The following MAGI2 variants were observed in gnomAD, a reference collection of about 807,000 sequenced individuals.
The protein encoded by MAGI2 is membrane-associated guanylate kinase, WW and PDZ domain-containing protein 2.
A neutral mutation model predicts 133.3 loss-of-function variants in MAGI2; 35 were observed. The ratio of observed to expected loss-of-function variants is 0.26; its 90% CI spans 0.20 to 0.35. MAGI2 has a LOEUF of 0.35. Ranked by LOEUF, MAGI2 falls within the 10% of genes least tolerant of loss-of-function variation. MAGI2 has a pLI of 1.00. For missense variants in MAGI2, 1,636 were observed against 1,863.4 expected (o/e 0.88, Z 2.25); for synonymous variants, 729 against 710.6 (o/e 1.03, Z -0.41).
intron 2 of MAGI2, among the ~76,000 whole-genome samples, chr7:78,830,836 T>C (rs1364649313): frequency 2.6e-5 from 4 of 152,102 alleles, no homozygotes; most frequent in Non-Finnish European, 5.9e-5. Flanking sequence ...CTAGCTAGCC[T>C]TGGGCTATGG....
chr7:78,538,147 C>G (rs944916130), intron 3 of MAGI2, among the ~76,000 whole-genome samples: 2 of 152,120 alleles, frequency 1.3e-5, no homozygotes, highest in Non-Finnish European at 2.9e-5. Context: ...AAGTACATGG[C>G]TTTGTTTCTG....
intron 1 of MAGI2, among the ~76,000 whole-genome samples, chr7:79,336,126 A>G (rs1326490006): frequency 2.0e-5 from 3 of 152,150 alleles, no homozygotes; most frequent in Non-Finnish European, 4.4e-5. Context: ...ATAGCTAACA[A>G]CTATTGAGCA....
At chr7:78,936,460 G>A (rs1800526388) in intron 2 of MAGI2, among the ~76,000 whole-genome samples, 1 of 151,842 alleles carries the variant, frequency 6.6e-6, no homozygotes, top group South Asian at 2.1e-4. Context: ...TATATACGTT[G>A]TAAAATGAAA....
Position 78,125,457 on chromosome 7 carries a change from A to C in MAGI2, c.3567+237T>G, listed in dbSNP as rs114505574. ...CTTAGATTTCTTTCATTTGCTCTTTAGAAAAATAGTACTTTACTGAGGTTA... is the reference window on the plus strand; with the variant it reads ...CTTAGATTTCTTTCATTTGCTCTTTCGAAAAATAGTACTTTACTGAGGTTA... On this transcript the variant is annotated intron_variant, in intron 20 of 21. Transcript: ENST00000354212. Among the ~76,000 whole-genome samples, 1,449 of 152,336 alleles carry C rather than the reference A, an allele frequency of 9.5e-3. 26 individuals carry two copies. The highest frequency in any genetic ancestry group is 0.033 in the African/African-American group (1,391 of 41,584).
At chr7:78,857,347 G>C (rs1326641631) in intron 2 of MAGI2, among the ~76,000 whole-genome samples, 2 of 152,180 alleles carry the variant, frequency 1.3e-5, no homozygotes. Flanking sequence ...CAAAGGGAAT[G>C]CTTCCAGTTT....
chr7:78,403,687 T>C (rs1554395152), intron 6 of MAGI2, among the ~76,000 whole-genome samples: 1 of 152,058 alleles, frequency 6.6e-6, no homozygotes, highest in African/African-American at 2.4e-5. Flanking sequence ...TTAATGATTG[T>C]CATTCTAACT....
At chr7:78,827,008 TA>T (rs1163536396) in intron 2 of MAGI2, among the ~76,000 whole-genome samples, 2 of 152,092 alleles carry the variant, frequency 1.3e-5, no homozygotes, top group Non-Finnish European at 2.9e-5. Flanking sequence ...GTGATAGGAT[TA>T]GAGACATCGG....
At chr7:78,441,485 G>C (rs1376853984) in intron 6 of MAGI2, among the ~76,000 whole-genome samples, 1 of 152,162 alleles carries the variant, frequency 6.6e-6, no homozygotes, top group African/African-American at 2.4e-5. Flanking sequence ...CTTGTGTGGA[G>C]TCACTTTGGA....
chr7:78,975,926 A>C (rs757850411), intron 2 of MAGI2, among the ~76,000 whole-genome samples: 1 of 151,736 alleles, frequency 6.6e-6, no homozygotes, highest in Non-Finnish European at 1.5e-5. Flanking sequence ...ACATGAAATG[A>C]ATCAATTCCT....
At chr7:79,087,134 C>T (rs945894239) in intron 1 of MAGI2, among the ~76,000 whole-genome samples, 2 of 151,744 alleles carry the variant, frequency 1.3e-5, no homozygotes, top group Non-Finnish European at 2.9e-5. Context: ...TTACTTGATT[C>T]CAAGGAATTT....
At chr7:78,680,908 C>T (rs1277763245) in intron 2 of MAGI2, among the ~76,000 whole-genome samples, 1 of 152,028 alleles carries the variant, frequency 6.6e-6, no homozygotes, top group South Asian at 2.1e-4. Context: ...GAGGCTCATG[C>T]TTAGAGGGTG....
intron 1 of MAGI2, among the ~76,000 whole-genome samples, chr7:79,066,338 A>G (rs1232238442): frequency 2.7e-5 from 4 of 147,492 alleles, no homozygotes; most frequent in Admixed American, 2.0e-4. Context: ...ACATTTTTTC[A>G]TATGATTGTT....
chr7:78,324,455 G>A (rs1788373126), intron 9 of MAGI2, among the ~76,000 whole-genome samples: 2 of 152,148 alleles, frequency 1.3e-5, no homozygotes, highest in African/African-American at 4.8e-5. Flanking sequence ...CACACTGCTG[G>A]TGTGATCTTG....
chr7:79,307,819 A>G (rs1837944884), intron 1 of MAGI2, among the ~76,000 whole-genome samples: 1 of 152,182 alleles, frequency 6.6e-6, no homozygotes, highest in African/African-American at 2.4e-5. Context: ...TACAGTCAAT[A>G]CCTGGGTAAA....
chr7:79,236,673 T>G (rs1442417015), intron 1 of MAGI2, among the ~76,000 whole-genome samples: 2 of 152,236 alleles, frequency 1.3e-5, no homozygotes, highest in Admixed American at 6.5e-5. Flanking sequence ...AGCAATAAAA[T>G]TCTGTGATCT....
In MAGI2 at chr7:79,184,019, G is replaced by A. The variant is rs556957948; in HGVS notation, c.302-176813C>T. ...GTGGGGGAAAGCAGAGAAGTTGATCGAACAATACAGAGTTCCAGTTAGAAA... is the reference window on the plus strand; with the variant it reads ...GTGGGGGAAAGCAGAGAAGTTGATCAAACAATACAGAGTTCCAGTTAGAAA... On this transcript the variant is annotated intron_variant, in intron 1 of 21. Coordinates refer to ENST00000354212, the MANE Select transcript of MAGI2 (RefSeq NM_012301.4). Among the ~76,000 whole-genome samples the A allele has an allele frequency of 6.6e-5, 10 of 151,680 alleles. No homozygotes were observed. In the South Asian group the frequency reaches 1.7e-3, roughly 25 times the overall value.
chr7:78,161,004 T>C (rs767847639), intron 15 of MAGI2, among the ~76,000 whole-genome samples: 1 of 152,200 alleles, frequency 6.6e-6, no homozygotes, highest in Non-Finnish European at 1.5e-5. Flanking sequence ...CTTAAAAGAA[T>C]AAATAAATAA....
intron 1 of MAGI2, among the ~76,000 whole-genome samples, chr7:79,255,733 C>T (rs755716534): frequency 2.3e-4 from 35 of 151,742 alleles, no homozygotes; most frequent in Admixed American, 1.4e-3. Flanking sequence ...AGAAGCTAGA[C>T]GGTCTACAGA....
chr7:79,199,072 A>G (rs567067512), intron 1 of MAGI2, among the ~76,000 whole-genome samples: 4 of 152,134 alleles, frequency 2.6e-5, no homozygotes, highest in East Asian at 1.9e-4. Flanking sequence ...CAAATGACAA[A>G]TTAAACATTA....
Sources: gnomAD v4.1 joint callset for allele counts (sites outside exome capture counted in the v4.1 genomes callset) on GRCh38, gnomAD v4.1.1 for gene constraint, MANE v1.5 for transcripts, NCBI Gene and HGNC (gene_info 2026-07-23, HGNC 2026-07-21) for gene names.